Variants in CRTAC1 observed in about 807,000 individuals in gnomAD.
CRTAC1 encodes cartilage acidic protein 1, also known as acidic secreted protein in cartilage.
CRTAC1 carries 37 observed loss-of-function variants against 67.8 expected under a neutral mutation model. The observed-to-expected ratio is 0.55, with a 90% confidence interval of 0.42 to 0.72. CRTAC1 has a LOEUF of 0.72. Among genes scored for constraint, CRTAC1 ranks in the 30% least tolerant of loss-of-function variants. The pLI is 0.00. For synonymous variants in CRTAC1, 348 were observed against 371.0 expected, an observed-to-expected ratio of 0.94 and a Z score of 0.71; for missense variants, 780 against 931.6, an observed-to-expected ratio of 0.84 and a Z score of 2.12.
Position 97,908,648 on chromosome 10 carries a change from C to T in CRTAC1, c.716-501G>A, listed in dbSNP as rs566447157. The stretch of plus-strand genomic sequence containing the variant: ...CAGATGCTTACTTTGCTTTGTTTGA[C>T]GTTAAACAATTACATCCATCAATAG... On this transcript the variant is annotated intron_variant, in intron 5 of 14. Transcript: ENST00000370597. 8.5e-5 allele frequency among the ~76,000 whole-genome samples: 13 copies of T among 152,232 alleles called. No homozygotes were observed. The East Asian group carries it at 1.3e-3, about 16-fold the overall frequency.
intron 3 of CRTAC1, among the ~76,000 whole-genome samples, chr10:97,932,145 C>T (rs1189106483): frequency 6.6e-6 from 1 of 152,154 alleles, no homozygotes; most frequent in East Asian, 1.9e-4. Flanking sequence ...CACAGTGTTA[C>T]AATGCGGTCC....
chr10:98,015,102 A>G (rs1842971203), intron 1 of CRTAC1, among the ~76,000 whole-genome samples: 1 of 152,254 alleles, frequency 6.6e-6, no homozygotes, highest in Non-Finnish European at 1.5e-5. Context: ...ATACAGTGCA[A>G]TATTATTCAG....
chr10:97,884,248 G>A lies in CRTAC1; in HGVS notation c.1590C>T (p.Tyr530=), dbSNP rs181796030. The A allele has an allele frequency of 5.7e-6, 9 of 1,566,976 alleles. No homozygotes were observed. The East Asian group carries it at 1.9e-4, about 33-fold the overall frequency. The change falls in exon 12 of 15, where the codon TAC becomes TAT. Residue 530 remains tyrosine, a synonymous_variant. Transcript: ENST00000370597. ...CCTGAAGTGTGTCCTCATCCCGGGG[G>A]TAGAGGATCTCCAGCACTGAGTTCA... The part of the protein sequence containing the change: ...GEMNSVLEIL[Y]PRDEDTLQDP...
intron 14 of CRTAC1, among the ~76,000 whole-genome samples, chr10:97,878,141 C>T (rs2050168336): frequency 6.6e-6 from 1 of 152,236 alleles, no homozygotes; most frequent in African/African-American, 2.4e-5. Flanking sequence ...GAAAGGGCTC[C>T]AGCCCTGGCC....
rs779386904 is a variant in CRTAC1, at chr10:97,884,314, T to C, written c.1524A>G (p.Pro508=). 7.7e-6 allele frequency: 12 copies of C among 1,552,480 alleles called. No individual in the cohort carries two copies. The East Asian group carries it at 2.9e-4, about 38-fold the overall frequency. Residue 508 remains proline, a synonymous_variant, in exon 12 of 15, where the codon CCA becomes CCG. Transcript: ENST00000370597. ...CGTTCCGGCTCACCATCTTGCCATC[T>C]GGCCACGTCACCTCCACACTGCTGG... ...DEASSVEVTW[P]DGKMVSRNVA...
chr10:97,890,344 A>G (rs1448104450), intron 11 of CRTAC1, among the ~76,000 whole-genome samples: 2 of 152,074 alleles, frequency 1.3e-5, no homozygotes, highest in African/African-American at 4.8e-5. Context: ...CCTGGCCTCA[A>G]GCAATCCTCC....
chr10:97,935,457 C>T (rs559487213), intron 3 of CRTAC1, among the ~76,000 whole-genome samples: 1 of 152,316 alleles, frequency 6.6e-6, no homozygotes, highest in East Asian at 1.9e-4. Context: ...GAGGCATCAT[C>T]ATCATAGCCT....
chr10:97,899,559 C>T (rs1375898985), intron 8 of CRTAC1, among the ~76,000 whole-genome samples: 1 of 152,222 alleles, frequency 6.6e-6, no homozygotes. Context: ...AAAGCAGTGT[C>T]TCTGTTAACT....
chr10:97,873,212 G>A (rs1484133078), intron 14 of CRTAC1, among the ~76,000 whole-genome samples: 1 of 152,196 alleles, frequency 6.6e-6, no homozygotes, highest in Non-Finnish European at 1.5e-5. Flanking sequence ...TTTGATCCCA[G>A]AGTTTCAGTG....
chr10:97,868,564 C>T (rs11189414), intron 14 of CRTAC1: 11,040 of 152,344 alleles, frequency 0.072, 595 homozygotes, highest in African/African-American at 0.14. Flanking sequence ...GTTGTCACTG[C>T]CGCTAAGGGC....
At chr10:97,969,250 G>GATT (rs2051668078) in intron 2 of CRTAC1, among the ~76,000 whole-genome samples, 1 of 152,170 alleles carries the variant, frequency 6.6e-6, no homozygotes, top group Non-Finnish European at 1.5e-5. Context: ...GGGGGAGGAG[G>GATT]AGCTTCTAGA....
At chr10:97,879,680 G>T in intron 14 of CRTAC1, 1 of 1,544,726 alleles carries the variant, frequency 6.5e-7, no homozygotes, top group East Asian at 2.4e-5. Flanking sequence ...TTATTGATGG[G>T]ATTTAAAGTG....
At chr10:97,894,422 T>C (rs2050420807) in intron 11 of CRTAC1, among the ~76,000 whole-genome samples, 1 of 151,758 alleles carries the variant, frequency 6.6e-6, no homozygotes, top group African/African-American at 2.4e-5. Context: ...AGACAGAGTC[T>C]CACTCACTCC....
intron 4 of CRTAC1, 58 bp from the exon 5 acceptor site, chr10:97,917,714 GC>G: frequency 7.3e-7 from 1 of 1,373,570 alleles, no homozygotes; most frequent in Admixed American, 2.3e-5. Flanking sequence ...CCCAGAAACC[GC>G]CCCCTCCCCA....
At chr10:98,008,544 A>G (rs935264861) in intron 2 of CRTAC1, among the ~76,000 whole-genome samples, 3 of 152,108 alleles carry the variant, frequency 2.0e-5, no homozygotes, top group Non-Finnish European at 4.4e-5. Flanking sequence ...GGAGGAGTGC[A>G]AGGTACTGAA....
chr10:97,913,475 G>T lies in CRTAC1; in HGVS notation c.715+4025C>A, dbSNP rs575534592. Among the ~76,000 whole-genome samples, 31 of 152,270 alleles carry T rather than the reference G, an allele frequency of 2.0e-4. No homozygotes were observed. The Middle Eastern group carries it at 0.02, about 100-fold the overall frequency. On this transcript the variant is annotated intron_variant, in intron 5 of 14. Coordinates refer to ENST00000370597, the MANE Select transcript of CRTAC1 (RefSeq NM_018058.7). ...CAAAGCCTGGGGGTGTAGCCTAGGG[G>T]TATAACCCAGAGAGGCTAGCCACAG...
intron 5 of CRTAC1, among the ~76,000 whole-genome samples, chr10:97,911,643 C>G (rs957521734): frequency 6.6e-6 from 1 of 152,200 alleles, no homozygotes; most frequent in African/African-American, 2.4e-5. Context: ...CATAGGGAAA[C>G]GACTCCCAGG....
chr10:97,966,870 C>G (rs1337278475), intron 2 of CRTAC1, among the ~76,000 whole-genome samples: 1 of 152,070 alleles, frequency 6.6e-6, no homozygotes, highest in Non-Finnish European at 1.5e-5. Context: ...ACCACAGAAG[C>G]ACCGTGCCAT....
chr10:98,030,030 A>G lies in CRTAC1; in HGVS notation c.24+419T>C, dbSNP rs933065168. Among the ~76,000 whole-genome samples, 7 of 151,946 alleles carry G rather than the reference A, an allele frequency of 4.6e-5. No homozygotes were observed. Among genetic ancestry groups the G allele is most frequent in the African/African-American group, 1.7e-4 (7 of 41,366 alleles). ...ACTCGGCCGAGGCCAGTGGCTTCCC[A>G]GGCCCGGGTCTCAGCCTGGCTGACT... On this transcript the variant is annotated intron_variant, in intron 1 of 14. Coordinates refer to ENST00000370597, the MANE Select transcript of CRTAC1 (RefSeq NM_018058.7). The surrounding 1 kb of genome is among the most constrained non-coding windows in gnomAD (Gnocchi z 4.2).
Sources: gnomAD v4.1 joint callset for allele counts (sites outside exome capture counted in the v4.1 genomes callset) on GRCh38, gnomAD v4.1.1 for gene constraint, Gnocchi (gnomAD v3.1) non-coding constraint, MANE v1.5 for transcripts, NCBI Gene and HGNC (gene_info 2026-07-23, HGNC 2026-07-21) for gene names.